VAT1L: variants seen among roughly 807,000 people sequenced by gnomAD.
VAT1L encodes the protein vesicle amine transport 1 like, also known as putative NADPH-dependent quinone oxidoreductase VAT1L.
A neutral mutation model predicts 44.1 loss-of-function variants in VAT1L; 34 were observed. That is an observed-to-expected ratio of 0.77 (90% confidence interval 0.59 to 1.03). VAT1L has a LOEUF of 1.03. Ranked by LOEUF, VAT1L falls within the 50% of genes least tolerant of loss-of-function variation. The pLI is 0.00. For synonymous variants in VAT1L, 253 were observed against 202.2 expected, an observed-to-expected ratio of 1.25 and a Z score of -2.13; for missense variants, 615 against 538.8, an observed-to-expected ratio of 1.14 and a Z score of -1.40.
intron 7 of VAT1L, among the ~76,000 whole-genome samples, chr16:77,895,759 A>C (rs2017317223): frequency 1.3e-5 from 2 of 152,254 alleles, no homozygotes; most frequent in Admixed American, 1.3e-4. Context: ...AATGCCACTC[A>C]ACAAATGCTT....
intron 7 of VAT1L, among the ~76,000 whole-genome samples, chr16:77,960,820 G>A (rs565960147): frequency 6.6e-6 from 1 of 152,166 alleles, no homozygotes; most frequent in African/African-American, 2.4e-5. Context: ...TTTCATTGCA[G>A]ACAGTAATGA....
chr16:77,912,688 C>G lies in VAT1L; in HGVS notation c.1077+27886C>G, dbSNP rs369519942. On this transcript the variant is annotated intron_variant, in intron 7 of 8. Transcript: ENST00000302536. ...CTCCTATTGTAAAGTATCTCTTGACCTCACCCCACCTGATAGCTATTGCCT... is the reference window on the plus strand; with the variant it reads ...CTCCTATTGTAAAGTATCTCTTGACGTCACCCCACCTGATAGCTATTGCCT... 2.0e-5 allele frequency among the ~76,000 whole-genome samples: 3 copies of G among 152,254 alleles called. No homozygotes were observed. The East Asian group carries it at 5.8e-4, about 29-fold the overall frequency.
At chr16:77,927,746 G>A (rs2017686476) in intron 7 of VAT1L, among the ~76,000 whole-genome samples, 1 of 152,106 alleles carries the variant, frequency 6.6e-6, no homozygotes, top group Non-Finnish European at 1.5e-5. Flanking sequence ...GCACACGCCT[G>A]TAGTCCCAGC....
At chr16:77,971,247 G>C (rs1465311659) in intron 7 of VAT1L, among the ~76,000 whole-genome samples, 1 of 152,142 alleles carries the variant, frequency 6.6e-6, no homozygotes, top group South Asian at 2.1e-4. Flanking sequence ...AGGATCCCAG[G>C]AGACACCTGT....
At position 77,862,787 on chromosome 16, in the gene VAT1L, G is replaced by A. The variant is rs753219877; in HGVS notation, c.619G>A (p.Val207Met). Residue 207 changes from valine (V) to methionine (M), a missense_variant, in exon 4 of 9, where the codon GTG becomes ATG. Transcript: ENST00000302536. ...VAQLCSTVPN[V>M]TVFGTASTFK... The stretch of plus-strand genomic sequence containing the variant: ...TCAGCTGTGTTCCACTGTCCCCAAC[G>A]TGACTGTCTTTGGAACAGCCTCTAC... 5.6e-6 allele frequency: 9 copies of A among 1,613,998 alleles called. No individual in the cohort carries two copies. The highest frequency in any genetic ancestry group is 2.2e-5 in the East Asian group (1 of 44,876).
At chr16:77,876,557 T>G in intron 5 of VAT1L, 84 bp downstream of exon 5, 1 of 1,235,070 alleles carries the variant, frequency 8.1e-7, no homozygotes, top group Non-Finnish European at 1.2e-6. Flanking sequence ...AAGTGAATTG[T>G]GCTGATATGT....
chr16:77,799,851 G>T (rs1302196378), intron 1 of VAT1L, among the ~76,000 whole-genome samples: 1 of 152,028 alleles, frequency 6.6e-6, no homozygotes, highest in Non-Finnish European at 1.5e-5. Context: ...GGTAATCTTG[G>T]AAGTTCTAGG....
chr16:77,910,673 C>CAAAAAAAAAAAA (rs3038773), intron 7 of VAT1L, among the ~76,000 whole-genome samples: 2 of 82,958 alleles, frequency 2.4e-5, no homozygotes, highest in African/African-American at 4.7e-5. Context: ...GACTCCTTCT[C>CAAAAAAAAAAAA]AAAAAAAAAA....
At chr16:77,908,128 A>G (rs901880061) in intron 7 of VAT1L, among the ~76,000 whole-genome samples, 1 of 151,710 alleles carries the variant, frequency 6.6e-6, no homozygotes, top group Non-Finnish European at 1.5e-5. Flanking sequence ...AGTCCCAGCT[A>G]CTCGGGAGGG....
At chr16:77,932,964 A>G (rs985798119) in intron 7 of VAT1L, among the ~76,000 whole-genome samples, 3 of 152,162 alleles carry the variant, frequency 2.0e-5, no homozygotes, top group Non-Finnish European at 2.9e-5. Flanking sequence ...CTTGGGGACA[A>G]TTCTCCCCCA....
chr16:77,801,193 A>G (rs2016043996), intron 1 of VAT1L: 1 of 67,136 alleles, frequency 1.5e-5, no homozygotes, highest in African/African-American at 4.1e-5. Context: ...TTCTATGGTG[A>G]TCCCTGTGAT....
intron 7 of VAT1L, among the ~76,000 whole-genome samples, chr16:77,886,694 C>G (rs1380713706): frequency 1.3e-5 from 2 of 152,180 alleles, no homozygotes; most frequent in Non-Finnish European, 2.9e-5. Flanking sequence ...ATAGAAAATA[C>G]TGAAGTAAAC....
intron 4 of VAT1L, among the ~76,000 whole-genome samples, chr16:77,872,618 G>C (rs553641027): frequency 1.3e-5 from 2 of 152,246 alleles, no homozygotes; most frequent in Admixed American, 1.3e-4. Context: ...CACAGTGGCT[G>C]CTTCCCAGTC....
At chr16:77,909,131 G>A (rs1243092243) in intron 7 of VAT1L, among the ~76,000 whole-genome samples, 2 of 152,174 alleles carry the variant, frequency 1.3e-5, no homozygotes, top group Admixed American at 6.5e-5. Flanking sequence ...ACCATGAGAA[G>A]TAGATGTTAT....
intron 1 of VAT1L, among the ~76,000 whole-genome samples, chr16:77,806,055 G>A (rs1377750317): frequency 6.6e-6 from 1 of 151,138 alleles, no homozygotes; most frequent in Non-Finnish European, 1.5e-5. Flanking sequence ...TAGAGTCAGG[G>A]TTTCACCATG....
chr16:77,902,608 G>C (rs1470280113), intron 7 of VAT1L, among the ~76,000 whole-genome samples: 1 of 151,714 alleles, frequency 6.6e-6, no homozygotes, highest in Non-Finnish European at 1.5e-5. Context: ...TACAAGGATG[G>C]CCCCTACCAG....
chr16:77,791,576 T>C (rs1413057904), intron 1 of VAT1L, among the ~76,000 whole-genome samples: 2 of 152,228 alleles, frequency 1.3e-5, no homozygotes, highest in African/African-American at 4.8e-5. Flanking sequence ...GATTTGAATC[T>C]AATTCTCCTT....
intron 7 of VAT1L, among the ~76,000 whole-genome samples, chr16:77,920,507 G>C (rs1270502673): frequency 6.6e-6 from 1 of 152,110 alleles, no homozygotes; most frequent in East Asian, 1.9e-4. Context: ...ATTATACTTA[G>C]AAGACTGAAT....
At chr16:77,950,408 A>AC (rs2018027818) in intron 7 of VAT1L, among the ~76,000 whole-genome samples, 1 of 117,466 alleles carries the variant, frequency 8.5e-6, no homozygotes, top group East Asian at 2.4e-4. Flanking sequence ...GATTCCATCT[A>AC]AACACACACA....
Sources: allele counts gnomAD v4.1 joint callset (sites outside exome capture counted in the v4.1 genomes callset), GRCh38; gene constraint gnomAD v4.1.1; transcripts MANE v1.5; gene names NCBI Gene and HGNC (gene_info 2026-07-23, HGNC 2026-07-21).